Variants in MAGI2 observed in about 807,000 individuals in gnomAD.
MAGI2 encodes the protein membrane associated guanylate kinase, WW and PDZ domain containing 2, also known as membrane-associated guanylate kinase, WW and PDZ domain-containing protein 2.
Under a neutral mutation model 133.3 loss-of-function variants are expected in MAGI2, and 35 were observed. The ratio of observed to expected loss-of-function variants is 0.26; its 90% CI spans 0.20 to 0.35. The LOEUF is 0.35. Among genes scored for constraint, MAGI2 ranks in the 10% least tolerant of loss-of-function variants. MAGI2 has a pLI of 1.00. For missense variants in MAGI2, 1,636 were observed against 1,863.4 expected (o/e 0.88, Z 2.25); for synonymous variants, 729 against 710.6 (o/e 1.03, Z -0.41).
chr7:79,120,483 A>G (rs569405573), intron 1 of MAGI2, among the ~76,000 whole-genome samples: 1 of 152,060 alleles, frequency 6.6e-6, no homozygotes, highest in East Asian at 1.9e-4. Flanking sequence ...CAACTAAAAA[A>G]CCCTTTACAT....
At chr7:79,119,118 T>C (rs1438356290) in intron 1 of MAGI2, among the ~76,000 whole-genome samples, 2 of 152,128 alleles carry the variant, frequency 1.3e-5, no homozygotes, top group African/African-American at 2.4e-5. Flanking sequence ...ATAAATTTAA[T>C]TGACATAAAT....
chr7:79,253,801 G>A (rs936194158), intron 1 of MAGI2, among the ~76,000 whole-genome samples: 8 of 152,234 alleles, frequency 5.3e-5, no homozygotes, highest in Admixed American at 3.3e-4. Flanking sequence ...AATTATTCAT[G>A]TTGTATTCAA....
chr7:79,206,189 C>G (rs1157755625), intron 1 of MAGI2, among the ~76,000 whole-genome samples: 1 of 149,332 alleles, frequency 6.7e-6, no homozygotes, highest in South Asian at 2.1e-4. Context: ...TAAAAACACA[C>G]CAAGCCAAAG....
At chr7:78,255,752 TAGAA>T (rs1792899687) in intron 10 of MAGI2, 187 bp downstream of exon 10, 1 of 659,214 alleles carries the variant, frequency 1.5e-6, no homozygotes, top group East Asian at 2.7e-5. Context: ...TAATACAAAA[TAGAA>T]AAAGACATAT....
intron 2 of MAGI2, among the ~76,000 whole-genome samples, chr7:78,875,297 A>C (rs996899871): frequency 6.6e-6 from 1 of 152,208 alleles, no homozygotes; most frequent in African/African-American, 2.4e-5. Flanking sequence ...CGGGAGGCAG[A>C]GAGCTGAAGT....
chr7:78,239,551 TAACTC>T (rs1790909559), intron 10 of MAGI2, among the ~76,000 whole-genome samples: 1 of 78,184 alleles, frequency 1.3e-5, no homozygotes. Flanking sequence ...GGAACTCAAA[TAACTC>T]AATAGCAAGA....
chr7:79,173,263 T>C, intron 1 of MAGI2, among the ~76,000 whole-genome samples: 1 of 152,072 alleles, frequency 6.6e-6, no homozygotes, highest in Admixed American at 6.6e-5. Context: ...AAAAAAGCAG[T>C]GTCATGTTCT....
At chr7:79,441,671 A>G (rs1468696625) in intron 1 of MAGI2, among the ~76,000 whole-genome samples, 1 of 152,092 alleles carries the variant, frequency 6.6e-6, no homozygotes, top group African/African-American at 2.4e-5. Flanking sequence ...CATTAATGTA[A>G]TTCAAAATAC....
At chr7:78,757,949 A>ACT (rs1307259799) in intron 2 of MAGI2, among the ~76,000 whole-genome samples, 2 of 152,098 alleles carry the variant, frequency 1.3e-5, no homozygotes, top group East Asian at 3.9e-4. Context: ...CTTGACCAGT[A>ACT]CTCTTGGATG....
chr7:79,368,816 C>A (rs1842886385), intron 1 of MAGI2, among the ~76,000 whole-genome samples: 1 of 141,400 alleles, frequency 7.1e-6, no homozygotes, highest in Non-Finnish European at 1.5e-5. Flanking sequence ...CCACTGCACT[C>A]CAGCCTGGGC....
At chr7:79,004,970 TA>T (rs1316979710) in intron 2 of MAGI2, among the ~76,000 whole-genome samples, 2 of 151,640 alleles carry the variant, frequency 1.3e-5, no homozygotes, top group Non-Finnish European at 2.9e-5. Flanking sequence ...TAATCCCAGC[TA>T]CTCAGGAGGC....
chr7:78,366,204 ATTGC>A (rs1257894500), intron 7 of MAGI2, among the ~76,000 whole-genome samples: 18 of 152,204 alleles, frequency 1.2e-4, no homozygotes, highest in Non-Finnish European at 1.3e-4. Context: ...CACAAAAGAT[ATTGC>A]TTGTTATATT....
rs537170908 is a variant in MAGI2 at position 78,404,947 on chromosome 7, AC to A, written c.1046-35735del. Among the ~76,000 whole-genome samples the A allele has an allele frequency of 4.5e-3, 684 of 152,284 alleles. 2 individuals carry two copies. Among genetic ancestry groups the A allele is most frequent in the Admixed American group, 8.5e-3 (130 of 15,278 alleles). On this transcript the variant is annotated intron_variant, in intron 6 of 21. Transcript: ENST00000354212. ...GACAAAGGGCTAATATCCAGAACCT[AC>A]AAAGAACTTAAACAATTTTACAAGA...
rs183538670 is a variant in MAGI2, at chr7:78,890,640, C to T, written c.418+116450G>A. On this transcript the variant is annotated intron_variant, in intron 2 of 21. Coordinates refer to ENST00000354212, the MANE Select transcript of MAGI2 (RefSeq NM_012301.4). ...TCCTGAATGACTACTGGGAACATAACGAAATGAAGGCAGAAATAAAGATAT... is the reference window on the plus strand; with the variant it reads ...TCCTGAATGACTACTGGGAACATAATGAAATGAAGGCAGAAATAAAGATAT... 3.2e-4 allele frequency among the ~76,000 whole-genome samples: 48 copies of T among 152,074 alleles called. 1 individual carries two copies. The highest frequency in any genetic ancestry group is 9.6e-4 in the African/African-American group (40 of 41,468).
At chr7:78,763,234 A>G (rs1824691453) in intron 2 of MAGI2, among the ~76,000 whole-genome samples, 1 of 152,208 alleles carries the variant, frequency 6.6e-6, no homozygotes, top group Non-Finnish European at 1.5e-5. Context: ...TCATAAAAGA[A>G]AGACTTATGA....
intron 1 of MAGI2, among the ~76,000 whole-genome samples, chr7:79,377,777 A>C (rs538108774): frequency 6.6e-6 from 1 of 151,814 alleles, no homozygotes; most frequent in African/African-American, 2.4e-5. Flanking sequence ...CTACAACAAA[A>C]GTAGGAGATA....
At chr7:78,031,175 G>C (rs974244527) in intron 21 of MAGI2, among the ~76,000 whole-genome samples, 1 of 152,192 alleles carries the variant, frequency 6.6e-6, no homozygotes, top group African/African-American at 2.4e-5. Flanking sequence ...TAAAGGGAGA[G>C]AAAACTGATT....
intron 1 of MAGI2, among the ~76,000 whole-genome samples, chr7:79,259,728 T>C (rs1833946410): frequency 6.6e-6 from 1 of 152,210 alleles, no homozygotes; most frequent in East Asian, 1.9e-4. Context: ...GATTTTTGTT[T>C]TATCAATTTT....
At chr7:78,666,464 C>G (rs1585021723) in intron 2 of MAGI2, among the ~76,000 whole-genome samples, 1 of 152,180 alleles carries the variant, frequency 6.6e-6, no homozygotes, top group East Asian at 1.9e-4. Flanking sequence ...TGAGACCTGA[C>G]AAAGTACCCC....
Sources: allele counts gnomAD v4.1 joint callset (sites outside exome capture counted in the v4.1 genomes callset), GRCh38; gene constraint gnomAD v4.1.1; transcripts MANE v1.5; gene names NCBI Gene and HGNC (gene_info 2026-07-23, HGNC 2026-07-21).